The following THADA variants were observed in gnomAD, a reference collection of about 807,000 sequenced individuals.
THADA encodes THADA armadillo repeat containing, also known as tRNA (32-2'-O)-methyltransferase regulator THADA.
A neutral mutation model predicts 219.8 loss-of-function variants in THADA; 213 were observed. The observed-to-expected ratio is 0.97, with a 90% confidence interval of 0.87 to 1.09. The LOEUF (loss-of-function observed/expected upper bound fraction) is 1.09, where lower values mean the gene tolerates loss of function less well. Among genes scored for constraint, THADA ranks in the 50% least tolerant of loss-of-function variants. The pLI, the probability that THADA is intolerant of heterozygous loss-of-function variation, is 0.00. For missense variants in THADA, 2,956 were observed against 2,311.3 expected, an observed-to-expected ratio of 1.28 and a Z score of -5.72; for synonymous variants, 1,018 against 828.9, an observed-to-expected ratio of 1.23 and a Z score of -3.92.
intron 31 of THADA, among the ~76,000 whole-genome samples, chr2:43,294,490 C>A (rs1675125824): frequency 1.3e-5 from 2 of 152,302 alleles, no homozygotes; most frequent in South Asian, 4.1e-4. Flanking sequence ...TCCCATAACA[C>A]TGGAGCATAA....
intron 29 of THADA, among the ~76,000 whole-genome samples, chr2:43,348,514 G>A (rs998993622): frequency 6.6e-6 from 1 of 152,126 alleles, no homozygotes; most frequent in Non-Finnish European, 1.5e-5. Context: ...TCCCCCTTTG[G>A]TTCACTTACC....
At chr2:43,494,363 G>A (rs767697712) in intron 25 of THADA, among the ~76,000 whole-genome samples, 1 of 152,076 alleles carries the variant, frequency 6.6e-6, no homozygotes, top group Non-Finnish European at 1.5e-5. Flanking sequence ...GTCTTGGTTA[G>A]TACCACTCAA....
At position 43,293,040 on chromosome 2, in the gene THADA, C is replaced by G. The variant is rs972810310; in HGVS notation, c.4612G>C (p.Glu1538Gln). The G allele has an allele frequency of 1.2e-6, 2 of 1,613,958 alleles. No homozygotes were observed. Among genetic ancestry groups the G allele is most frequent in the Non-Finnish European group, 1.7e-6 (2 of 1,179,898 alleles). ...GAGAAAGAGATGGGGACATTCGTCT[C>G]CCGCTCTCCACTCTTGGCTGCCGCG... Reference protein sequence around the residue: ...WAAAAKSGERETNVPISFSQL... With the variant: ...WAAAAKSGERQTNVPISFSQL... The change falls in exon 32 of 38, where the codon GAG (glutamate) becomes CAG (glutamine). Residue 1538 changes from glutamate (E) to glutamine (Q), a missense_variant. By Grantham distance (29) the Glu-to-Gln change is conservative. Transcript: ENST00000405975.
At chr2:43,280,812 A>C (rs989370016) in intron 35 of THADA, among the ~76,000 whole-genome samples, 1 of 152,212 alleles carries the variant, frequency 6.6e-6, no homozygotes, top group African/African-American at 2.4e-5. Context: ...ATGAATAATA[A>C]AAGATAGTAT....
chr2:43,268,095 G>A (rs1015171806), intron 36 of THADA, among the ~76,000 whole-genome samples: 2 of 152,156 alleles, frequency 1.3e-5, no homozygotes, highest in African/African-American at 4.8e-5. Flanking sequence ...ATTCCCACCT[G>A]CTGTTCTCTG....
intron 20 of THADA, among the ~76,000 whole-genome samples, chr2:43,547,030 T>C (rs1231269121): frequency 1.3e-5 from 2 of 152,140 alleles, no homozygotes; most frequent in Non-Finnish European, 2.9e-5. Context: ...TTTCCATGTT[T>C]AGTGCTTCCT....
intron 22 of THADA, among the ~76,000 whole-genome samples, chr2:43,518,588 T>C (rs765404520): frequency 1.3e-5 from 2 of 152,224 alleles, no homozygotes; most frequent in South Asian, 4.1e-4. Context: ...GTAAAAGTGT[T>C]ATTTAACCGA....
intron 8 of THADA, among the ~76,000 whole-genome samples, 177 bp downstream of exon 8, chr2:43,581,544 AAAAAAAAAAAAAAAGAAAAG>A (rs1700453110): frequency 1.0e-5 from 1 of 99,118 alleles, no homozygotes; most frequent in African/African-American, 5.4e-5. Flanking sequence ...ATTCGGTCTC[AAAAAAAAAAAAAAAGAAAAG>A]AAAAAAAAAA....
intron 26 of THADA, among the ~76,000 whole-genome samples, chr2:43,459,950 T>C (rs940627839): frequency 4.6e-5 from 7 of 152,166 alleles, no homozygotes; most frequent in Admixed American, 2.0e-4. Flanking sequence ...AAGCCACATC[T>C]TGGCAAAATA....
At chr2:43,460,126 C>T (rs565136689) in intron 26 of THADA, among the ~76,000 whole-genome samples, 68 of 151,376 alleles carry the variant, frequency 4.5e-4, no homozygotes, top group African/African-American at 1.6e-3. Context: ...AAGGCATAAT[C>T]CCACCTGAGT....
chr2:43,568,929 C>T (rs1698985751), intron 14 of THADA, among the ~76,000 whole-genome samples: 1 of 152,052 alleles, frequency 6.6e-6, no homozygotes, highest in Admixed American at 6.5e-5. Context: ...TACACACACA[C>T]TGGGGGCTTC....
intron 26 of THADA, among the ~76,000 whole-genome samples, chr2:43,432,825 G>T (rs574140234): frequency 1.3e-5 from 2 of 152,232 alleles, no homozygotes; most frequent in South Asian, 4.1e-4. Context: ...ATGACCCTTT[G>T]TGAAGGATCT....
Position 43,344,122 on chromosome 2 carries a change from C to G in THADA, c.4343G>C (p.Arg1448Thr). 6.2e-7 allele frequency: 1 copy of G among 1,603,906 alleles called. No individual in the cohort carries two copies. Among genetic ancestry groups the G allele is most frequent in the Non-Finnish European group, 8.5e-7 (1 of 1,174,340 alleles). ...CTKAKLWLAK[R>T]QNPCLVTRAV... Reference sequence around the variant, plus strand: ...TTGCTCATGTGGGATTTTAACATACCTCTTGGCCAGCCAGAGTTTGGCTTT... The same window carrying G: ...TTGCTCATGTGGGATTTTAACATACGTCTTGGCCAGCCAGAGTTTGGCTTT... Residue 1448 changes from arginine to threonine, a missense_variant and splice_region_variant, in exon 30 of 38, where the codon AGG (arginine) becomes ACG (threonine). Physicochemically the swap from Arg to Thr is moderately conservative, Grantham distance 71 (BLOSUM62 -1). Coordinates refer to ENST00000405975, the MANE Select transcript of THADA (RefSeq NM_022065.5).
chr2:43,341,781 C>T (rs939113163), intron 30 of THADA, among the ~76,000 whole-genome samples: 1 of 152,132 alleles, frequency 6.6e-6, no homozygotes, highest in African/African-American at 2.4e-5. Flanking sequence ...GAAGAAGTGG[C>T]CTATTACCTG....
At chr2:43,330,369 C>T (rs1679825113) in intron 30 of THADA, among the ~76,000 whole-genome samples, 1 of 151,538 alleles carries the variant, frequency 6.6e-6, no homozygotes, top group Admixed American at 6.5e-5. Context: ...GAAGGAAAGG[C>T]TAGTGAGACT....
chr2:43,332,367 T>G (rs1429443843), intron 30 of THADA, among the ~76,000 whole-genome samples: 3 of 152,220 alleles, frequency 2.0e-5, no homozygotes, highest in African/African-American at 7.2e-5. Context: ...CTTCTCTGCT[T>G]CTGCAACACA....
At chr2:43,539,318 T>C (rs1695003717) in intron 21 of THADA, among the ~76,000 whole-genome samples, 1 of 152,244 alleles carries the variant, frequency 6.6e-6, no homozygotes, top group Non-Finnish European at 1.5e-5. Flanking sequence ...CCAATGTAAA[T>C]GATGTTCTTC....
At chr2:43,257,266 C>T (rs1354774244) in intron 36 of THADA, among the ~76,000 whole-genome samples, 1 of 152,214 alleles carries the variant, frequency 6.6e-6, no homozygotes, top group African/African-American at 2.4e-5. Context: ...GTGGAGTTTC[C>T]TTCAAGTGTC....
At chr2:43,428,389 C>T (rs925270611) in intron 27 of THADA, among the ~76,000 whole-genome samples, 158 bp from the exon 28 acceptor site, 2 of 152,170 alleles carry the variant, frequency 1.3e-5, no homozygotes, top group Non-Finnish European at 2.9e-5. Flanking sequence ...GGATGGATCA[C>T]GTGAGGTCAG....
Sources: allele counts gnomAD v4.1 joint callset (sites outside exome capture counted in the v4.1 genomes callset), GRCh38; gene constraint gnomAD v4.1.1; transcripts MANE v1.5; gene names NCBI Gene and HGNC (gene_info 2026-07-23, HGNC 2026-07-21).